Variants in GPC6 observed in about 807,000 individuals in gnomAD.
GPC6 encodes glypican-6.
In GPC6, 14 loss-of-function variants were observed where a neutral mutation model predicts 55.2. The observed-to-expected ratio is 0.25, with a 90% CI of 0.17 to 0.40. The LOEUF (loss-of-function observed/expected upper bound fraction) is 0.40, where lower values mean the gene tolerates loss of function less well. Ranked by LOEUF, GPC6 falls within the 10% of genes least tolerant of loss-of-function variation. The pLI is 1.00. For missense variants in GPC6, 641 were observed against 708.5 expected (o/e 0.90, Z 1.08); for synonymous variants, 278 against 259.6 (o/e 1.07, Z -0.68).
chr13:93,310,331 T>G (rs2139107271), intron 1 of GPC6, among the ~76,000 whole-genome samples: 1 of 152,300 alleles, frequency 6.6e-6, no homozygotes, highest in East Asian at 1.9e-4. Flanking sequence ...ATCTTCCTTC[T>G]TCCTGCTTCC....
intron 6 of GPC6, among the ~76,000 whole-genome samples, chr13:94,323,344 AATG>A (rs1280618958): frequency 6.6e-6 from 1 of 152,166 alleles, no homozygotes; most frequent in Non-Finnish European, 1.5e-5. Flanking sequence ...TCTTATTTGT[AATG>A]ATGATAGAAG....
intron 2 of GPC6, among the ~76,000 whole-genome samples, chr13:93,701,062 T>C (rs927974103): frequency 4.6e-5 from 7 of 152,096 alleles, no homozygotes; most frequent in African/African-American, 1.7e-4. Context: ...AAAAAGGAAA[T>C]ATTTTAAGAA....
intron 4 of GPC6, among the ~76,000 whole-genome samples, chr13:94,044,019 GAGT>G (rs1361238679): frequency 6.6e-6 from 1 of 151,552 alleles, no homozygotes; most frequent in Non-Finnish European, 1.5e-5. Flanking sequence ...CTTTATTTTG[GAGT>G]AGGATATGAA....
rs553995990 is a variant in GPC6, at chr13:94,321,229, T to C, written c.1152+15106T>C. Reference sequence around the variant, plus strand: ...ATAGTGGCCTCCAGTTCTATCCATGTAGCTGCAAAATACATGACCTCATTG... The same window carrying C: ...ATAGTGGCCTCCAGTTCTATCCATGCAGCTGCAAAATACATGACCTCATTG... On this transcript the variant is annotated intron_variant, in intron 6 of 8. Transcript: ENST00000377047. 2.0e-5 allele frequency among the ~76,000 whole-genome samples: 3 copies of C among 152,336 alleles called. No individual in the cohort carries two copies. The South Asian group carries it at 6.2e-4, about 32-fold the overall frequency.
intron 2 of GPC6, among the ~76,000 whole-genome samples, chr13:93,717,688 T>C (rs542828664): frequency 6.6e-6 from 1 of 151,866 alleles, no homozygotes; most frequent in African/African-American, 2.4e-5. Flanking sequence ...TAGGTATACA[T>C]GTGCCATGGT....
chr13:94,046,075 A>G (rs1211703801), intron 4 of GPC6, among the ~76,000 whole-genome samples: 1 of 151,926 alleles, frequency 6.6e-6, no homozygotes, highest in Non-Finnish European at 1.5e-5. Flanking sequence ...TATACTCCCC[A>G]GCAGCTCTAC....
intron 3 of GPC6, among the ~76,000 whole-genome samples, chr13:94,018,360 G>A (rs923571305): frequency 3.3e-5 from 5 of 150,948 alleles, no homozygotes; most frequent in South Asian, 2.1e-4. Flanking sequence ...TGCGATCTCC[G>A]CTCACTGCAA....
intron 1 of GPC6, among the ~76,000 whole-genome samples, chr13:93,523,889 G>T (rs190250837): frequency 6.6e-6 from 1 of 151,932 alleles, no homozygotes; most frequent in Non-Finnish European, 1.5e-5. Flanking sequence ...GATTTGAGGG[G>T]TTGGGAGGAG....
At chr13:93,726,315 A>G (rs1003217374) in intron 2 of GPC6, among the ~76,000 whole-genome samples, 8 of 152,030 alleles carry the variant, frequency 5.3e-5, no homozygotes, top group Admixed American at 3.9e-4. Flanking sequence ...TGTTTGAAAT[A>G]GCTCTTTGTC....
intron 2 of GPC6, among the ~76,000 whole-genome samples, chr13:93,823,632 T>C (rs1380866371): frequency 6.6e-6 from 1 of 152,182 alleles, no homozygotes. Flanking sequence ...TATCTTTACT[T>C]TTCTCCTAAA....
intron 1 of GPC6, among the ~76,000 whole-genome samples, chr13:93,437,817 T>C (rs1165189659): frequency 1.3e-5 from 2 of 152,188 alleles, no homozygotes; most frequent in Non-Finnish European, 2.9e-5. Flanking sequence ...TCAATATAGA[T>C]GAAACAGCCC....
chr13:93,804,069 T>C (rs1390182789), intron 2 of GPC6, among the ~76,000 whole-genome samples: 1 of 152,124 alleles, frequency 6.6e-6, no homozygotes, highest in African/African-American at 2.4e-5. Flanking sequence ...AATGGATGAA[T>C]TGTATGGAAG....
Position 93,943,763 on chromosome 13 carries a change from G to A in GPC6, c.712-83966G>A, listed in dbSNP as rs138696641. Among the ~76,000 whole-genome samples, 31 of 152,162 alleles carry A rather than the reference G, an allele frequency of 2.0e-4. No homozygotes were observed. In the East Asian group the frequency reaches 4.2e-3, roughly 21 times the overall value. On this transcript the variant is annotated intron_variant, in intron 3 of 8. Coordinates refer to ENST00000377047, the MANE Select transcript of GPC6 (RefSeq NM_005708.5). ...TGTTCTACTCTCCTACGCTAAAAAA[G>A]CAAAAACCCCAAGAAATGGGCAGGC... is the stretch of plus-strand genomic sequence containing the variant.
chr13:93,861,254 T>G (rs1178631082), intron 3 of GPC6, among the ~76,000 whole-genome samples: 1 of 151,540 alleles, frequency 6.6e-6, no homozygotes, highest in East Asian at 2.0e-4. Flanking sequence ...ATAAATTTCA[T>G]GAAGATTTGT....
At chr13:94,240,664 C>T (rs1021089978) in intron 4 of GPC6, among the ~76,000 whole-genome samples, 14 of 151,742 alleles carry the variant, frequency 9.2e-5, no homozygotes, top group Admixed American at 7.9e-4. Flanking sequence ...AAATAAAAGT[C>T]ATACAGGTAG....
intron 2 of GPC6, among the ~76,000 whole-genome samples, chr13:93,751,699 T>A (rs543673439): frequency 6.9e-4 from 105 of 151,994 alleles, no homozygotes; most frequent in African/African-American, 2.4e-3. Flanking sequence ...TTTTTAAATT[T>A]TTTTTTTGTA....
chr13:94,256,041 C>T (rs889227451), intron 4 of GPC6, among the ~76,000 whole-genome samples: 24 of 152,044 alleles, frequency 1.6e-4, no homozygotes, highest in African/African-American at 4.8e-4. Flanking sequence ...GGTTAAGAAG[C>T]GCTGGACAAA....
intron 2 of GPC6, among the ~76,000 whole-genome samples, chr13:93,594,700 A>AT (rs1400767659): frequency 6.6e-5 from 10 of 151,888 alleles, no homozygotes; most frequent in Admixed American, 6.6e-4. Context: ...CCAGAAGTTT[A>AT]TTTTTTGTGG....
At chr13:93,814,995 A>C (rs1180711860) in intron 2 of GPC6, among the ~76,000 whole-genome samples, 1 of 152,174 alleles carries the variant, frequency 6.6e-6, no homozygotes, top group Non-Finnish European at 1.5e-5. Context: ...ACCAAAAAAC[A>C]AAAGACTGCT....
Sources: gnomAD v4.1 joint callset for allele counts (sites outside exome capture counted in the v4.1 genomes callset) on GRCh38, gnomAD v4.1.1 for gene constraint, MANE v1.5 for transcripts, NCBI Gene and HGNC (gene_info 2026-07-23, HGNC 2026-07-21) for gene names.